The following LRRC4C variants were observed in gnomAD, a reference collection of about 807,000 sequenced individuals.
The protein encoded by LRRC4C is leucine-rich repeat-containing protein 4C.
In LRRC4C, 5 loss-of-function variants were observed where a neutral mutation model predicts 33.6. The ratio of observed to expected loss-of-function variants is 0.15; its 90% CI spans 0.08 to 0.31. The LOEUF (loss-of-function observed/expected upper bound fraction) is 0.31. Among genes scored for constraint, LRRC4C ranks in the 10% least tolerant of loss-of-function variants. The pLI, the probability that LRRC4C is intolerant of heterozygous loss-of-function variation, is 1.00. For synonymous variants in LRRC4C, 329 were observed against 302.0 expected, an observed-to-expected ratio of 1.09 and a Z score of -0.93; for missense variants, 560 against 796.7, an observed-to-expected ratio of 0.70 and a Z score of 3.58.
intron 3 of LRRC4C, among the ~76,000 whole-genome samples, chr11:40,375,343 A>T (rs770983827): frequency 2.6e-5 from 4 of 152,224 alleles, no homozygotes; most frequent in African/African-American, 7.2e-5. Context: ...GACCTAACCA[A>T]GATGGAAAAT....
At chr11:41,434,676 G>A (rs912559296) in intron 1 of LRRC4C, among the ~76,000 whole-genome samples, 3 of 152,138 alleles carry the variant, frequency 2.0e-5, no homozygotes, top group Admixed American at 1.3e-4. Context: ...ACAAAGACTA[G>A]CAAGAAGTGC....
intron 3 of LRRC4C, among the ~76,000 whole-genome samples, chr11:40,480,113 C>T (rs574442008): frequency 1.1e-4 from 17 of 152,188 alleles, no homozygotes; most frequent in African/African-American, 3.9e-4. Flanking sequence ...CTCCATAAAA[C>T]AGAGATATAA....
At chr11:41,128,556 G>A (rs1283294446) in intron 1 of LRRC4C, among the ~76,000 whole-genome samples, 1 of 151,980 alleles carries the variant, frequency 6.6e-6, no homozygotes, top group Non-Finnish European at 1.5e-5. Context: ...TGACAAGTGG[G>A]AATGCTGACC....
At chr11:40,997,085 T>C (rs1436718341) in intron 1 of LRRC4C, among the ~76,000 whole-genome samples, 2 of 152,140 alleles carry the variant, frequency 1.3e-5, no homozygotes, top group African/African-American at 4.8e-5. Flanking sequence ...AATTTTGATG[T>C]CAGGGTTTAG....
rs114678968 is a variant in LRRC4C, at chr11:40,278,660, T to C, written c.-175-37062A>G. ...CTGGAAGAACAAAATTCCTTAGTTA[T>C]TACAACTTCAATACCTATATACAAT... On this transcript the variant is annotated intron_variant, in intron 4 of 6. Coordinates refer to ENST00000528697, the MANE Select transcript of LRRC4C (RefSeq NM_001258419.2). Among the ~76,000 whole-genome samples, 732 of 152,282 alleles carry C rather than the reference T, an allele frequency of 4.8e-3. 9 individuals are homozygous for C. The highest frequency in any genetic ancestry group is 0.017 in the African/African-American group (703 of 41,568).
intron 5 of LRRC4C, among the ~76,000 whole-genome samples, chr11:40,235,480 T>G: frequency 6.6e-6 from 1 of 152,188 alleles, no homozygotes; most frequent in East Asian, 1.9e-4. Context: ...ACTTATTATA[T>G]GGATATAACC....
chr11:40,632,138 C>T (rs1398699976), intron 3 of LRRC4C, among the ~76,000 whole-genome samples: 1 of 152,084 alleles, frequency 6.6e-6, no homozygotes, highest in Non-Finnish European at 1.5e-5. Context: ...ACCTTATGCC[C>T]CTCAAAAAAT....
rs942394815 is a variant in LRRC4C at position 40,396,981 on chromosome 11, GAACC to G, written c.-269-77264_-269-77261del. On this transcript the variant is annotated intron_variant, in intron 3 of 6. Coordinates refer to ENST00000528697, the MANE Select transcript of LRRC4C (RefSeq NM_001258419.2). ...TAAATTGATACATTAACCATGCACAGAACCAACCAACATATTAGAAAAAATATGA... is the reference window on the plus strand; with the variant it reads ...TAAATTGATACATTAACCATGCACAGAACCAACATATTAGAAAAAATATGA... Among the ~76,000 whole-genome samples the G allele has an allele frequency of 2.2e-4, 33 of 152,072 alleles. 1 individual carries two copies. In the Middle Eastern group the frequency reaches 0.014, roughly 63 times the overall value.
intron 1 of LRRC4C, among the ~76,000 whole-genome samples, chr11:41,285,871 C>T (rs1949810660): frequency 6.6e-6 from 1 of 151,578 alleles, no homozygotes; most frequent in Non-Finnish European, 1.5e-5. Context: ...GCTCTGTCAC[C>T]CAGGCTGGAG....
chr11:41,201,856 C>T (rs914258444), intron 1 of LRRC4C, among the ~76,000 whole-genome samples: 2 of 152,014 alleles, frequency 1.3e-5, no homozygotes, highest in Non-Finnish European at 1.5e-5. Context: ...GAGTTCTAAA[C>T]TGGATTTCTG....
chr11:40,172,566 C>T (rs1860134523), intron 5 of LRRC4C, among the ~76,000 whole-genome samples: 1 of 151,884 alleles, frequency 6.6e-6, no homozygotes, highest in African/African-American at 2.4e-5. Flanking sequence ...TTCCCATGCT[C>T]CTCAGTTTGT....
chr11:41,383,301 G>A (rs537810566), intron 1 of LRRC4C, among the ~76,000 whole-genome samples: 1 of 152,054 alleles, frequency 6.6e-6, no homozygotes, highest in Admixed American at 6.6e-5. Flanking sequence ...TGCCATGACA[G>A]CTGGGCCTGG....
At chr11:41,322,730 A>G (rs1284136640) in intron 1 of LRRC4C, among the ~76,000 whole-genome samples, 1 of 152,150 alleles carries the variant, frequency 6.6e-6, no homozygotes, top group African/African-American at 2.4e-5. Flanking sequence ...TTTTTGAGTT[A>G]CCTATTCAGC....
At chr11:41,154,461 CT>C (rs1455188244) in intron 1 of LRRC4C, among the ~76,000 whole-genome samples, 1 of 152,022 alleles carries the variant, frequency 6.6e-6, no homozygotes, top group Non-Finnish European at 1.5e-5. Flanking sequence ...ATTTATTTCT[CT>C]TTTCCTAAGA....
intron 1 of LRRC4C, among the ~76,000 whole-genome samples, chr11:40,972,042 G>A (rs1365537453): frequency 6.6e-6 from 1 of 152,050 alleles, no homozygotes; most frequent in East Asian, 1.9e-4. Flanking sequence ...TAGGTGAATG[G>A]GACTAGCCTT....
At chr11:41,052,091 G>C (rs1327717421) in intron 1 of LRRC4C, among the ~76,000 whole-genome samples, 1 of 152,072 alleles carries the variant, frequency 6.6e-6, no homozygotes, top group Non-Finnish European at 1.5e-5. Context: ...ACGTACCTGG[G>C]ACAAAACATA....
At chr11:40,415,605 T>C (rs2137681704) in intron 3 of LRRC4C, among the ~76,000 whole-genome samples, 1 of 152,272 alleles carries the variant, frequency 6.6e-6, no homozygotes, top group African/African-American at 2.4e-5. Flanking sequence ...GAACTCACTT[T>C]GAATGTAGAA....
At position 40,442,214 on chromosome 11, in the gene LRRC4C, T is replaced by C. The variant is rs369479878; in HGVS notation, c.-269-122493A>G. Among the ~76,000 whole-genome samples the C allele has an allele frequency of 2.6e-5, 4 of 151,136 alleles. No individual in the cohort carries two copies. In the South Asian group the frequency reaches 8.4e-4, roughly 32 times the overall value. On this transcript the variant is annotated intron_variant, in intron 3 of 6. Transcript: ENST00000528697. ...GATCAACTGCCTAGTATTCCTTCAT[T>C]GTAAAAGTCATTACAAAAGTATAAA...
chr11:40,387,942 T>G (rs1196414379), intron 3 of LRRC4C, among the ~76,000 whole-genome samples: 4 of 152,178 alleles, frequency 2.6e-5, no homozygotes, highest in Non-Finnish European at 5.9e-5. Flanking sequence ...CATTCCATCT[T>G]ATTTTACCTC....
Sources: gnomAD v4.1 joint callset for allele counts (sites outside exome capture counted in the v4.1 genomes callset) on GRCh38, gnomAD v4.1.1 for gene constraint, MANE v1.5 for transcripts, NCBI Gene and HGNC (gene_info 2026-07-23, HGNC 2026-07-21) for gene names.